The following CCSER1 variants were observed in gnomAD, a reference collection of about 807,000 sequenced individuals.
CCSER1 encodes the protein coiled-coil serine rich protein 1.
A neutral mutation model predicts 82.0 loss-of-function variants in CCSER1; 41 were observed. That is an observed-to-expected ratio of 0.50 (90% CI 0.39 to 0.65). CCSER1 has a LOEUF of 0.65. Among genes scored for constraint, CCSER1 ranks in the 30% least tolerant of loss-of-function variants. The probability of loss-of-function intolerance (pLI) is 0.00; values close to 1 mark genes in which losing one functional copy is unlikely to be tolerated. For missense variants in CCSER1, 1,119 were observed against 1,064.2 expected (o/e 1.05, Z -0.72); for synonymous variants, 414 against 383.9 (o/e 1.08, Z -0.92).
chr4:90,674,054 C>T (rs1281331745), intron 6 of CCSER1, among the ~76,000 whole-genome samples: 3 of 151,912 alleles, frequency 2.0e-5, no homozygotes, highest in Non-Finnish European at 4.4e-5. Context: ...AGATGATGTG[C>T]AAGCCCTTAA....
rs140458111 is a variant in CCSER1, at chr4:91,369,813, A to C, written c.2218-228759A>C. ...CCTCCCAAGTAGCTGGGACTTTGGG[A>C]GCACGCCCACCACGCCTAGCTAATT... On this transcript the variant is annotated intron_variant, in intron 10 of 10. Coordinates refer to ENST00000509176, the MANE Select transcript of CCSER1 (RefSeq NM_001145065.2). Among the ~76,000 whole-genome samples, 928 of 150,678 alleles carry C rather than the reference A, an allele frequency of 6.2e-3. 14 individuals are homozygous for C. The highest frequency in any genetic ancestry group is 0.021 in the African/African-American group (867 of 41,042).
chr4:90,362,444 A>C (rs532085090), intron 3 of CCSER1, among the ~76,000 whole-genome samples: 1 of 152,354 alleles, frequency 6.6e-6, no homozygotes, highest in South Asian at 2.1e-4. Context: ...TGCTAGTCAA[A>C]TGGTTTAGAA....
At position 91,246,827 on chromosome 4, in the gene CCSER1, TAC is replaced by T. The variant is rs34278711; in HGVS notation, c.2217+160862_2217+160863del. ...GGCATCTCATACACACATACACACA[TAC>T]ACACACACACACACACACACACACA... On this transcript the variant is annotated intron_variant, in intron 10 of 10. Coordinates refer to ENST00000509176, the MANE Select transcript of CCSER1 (RefSeq NM_001145065.2). Among the ~76,000 whole-genome samples the T allele has an allele frequency of 6.4e-3, 926 of 143,728 alleles. 8 individuals are homozygous for T. The highest frequency in any genetic ancestry group is 0.022 in the Admixed American group (313 of 14,364). The allele number at this position is 143,728 out of a possible 152,430, so 94.3% of individuals were successfully genotyped here.
At chr4:90,532,497 C>T (rs569504980) in intron 5 of CCSER1, among the ~76,000 whole-genome samples, 3 of 152,014 alleles carry the variant, frequency 2.0e-5, no homozygotes, top group South Asian at 4.2e-4. Flanking sequence ...GAGCTTTTTA[C>T]GGTGGTGTTC....
In CCSER1 at chr4:90,655,956, A is replaced by G. The variant is rs182043814; in HGVS notation, c.1932+27724A>G. Among the ~76,000 whole-genome samples the G allele has an allele frequency of 4.2e-3, 633 of 152,058 alleles. 1 individual carries two copies. The highest frequency in any genetic ancestry group is 7.5e-3 in the Non-Finnish European group (507 of 67,860). ...ATATTCTAAGAGGCTTTGCACAGTT[A>G]TAATATTCTTGGCTTTTTCTTTTAC... On this transcript the variant is annotated intron_variant, in intron 6 of 10. Transcript: ENST00000509176.
At chr4:91,312,175 A>G (rs149686185) in intron 10 of CCSER1, among the ~76,000 whole-genome samples, 1 of 151,904 alleles carries the variant, frequency 6.6e-6, no homozygotes, top group Admixed American at 6.6e-5. Flanking sequence ...AAACATAATA[A>G]TAGTAATATA....
chr4:91,244,308 A>G (rs1560539231), intron 10 of CCSER1, among the ~76,000 whole-genome samples: 3 of 152,182 alleles, frequency 2.0e-5, no homozygotes, highest in Admixed American at 2.0e-4. Context: ...CACAGACAGC[A>G]TCTCTGGACA....
At chr4:90,765,545 G>C (rs1751091769) in intron 7 of CCSER1, among the ~76,000 whole-genome samples, 3 of 151,946 alleles carry the variant, frequency 2.0e-5, no homozygotes, top group Admixed American at 6.6e-5. Context: ...TTAGTATTTG[G>C]GATAGAGATT....
chr4:90,410,270 A>C (rs562904214), intron 4 of CCSER1, among the ~76,000 whole-genome samples: 7 of 152,308 alleles, frequency 4.6e-5, no homozygotes, highest in African/African-American at 1.4e-4. Context: ...TCAGCTCTGC[A>C]CCAAGTGGAC....
chr4:91,187,696 CG>C (rs1734676486), intron 10 of CCSER1, among the ~76,000 whole-genome samples: 1 of 152,046 alleles, frequency 6.6e-6, no homozygotes, highest in Non-Finnish European at 1.5e-5. Context: ...GTGTTACAAG[CG>C]TGCTGCTACC....
chr4:90,370,055 G>A (rs1438938238), intron 3 of CCSER1: 1 of 151,990 alleles, frequency 6.6e-6, no homozygotes, highest in African/African-American at 2.4e-5. Flanking sequence ...TTGTCTTCTT[G>A]TTTTGTTTTT....
chr4:90,598,796 T>A (rs1333015305), intron 5 of CCSER1, among the ~76,000 whole-genome samples: 5 of 152,022 alleles, frequency 3.3e-5, no homozygotes, highest in Admixed American at 1.3e-4. Flanking sequence ...GTTCAAGTAG[T>A]CAGGGGACAG....
chr4:91,030,436 TCTAA>T (rs1480195789), intron 9 of CCSER1, among the ~76,000 whole-genome samples: 1 of 152,118 alleles, frequency 6.6e-6, no homozygotes, highest in Non-Finnish European at 1.5e-5. Flanking sequence ...TTAATTTAAA[TCTAA>T]CTAACTACCT....
intron 8 of CCSER1, among the ~76,000 whole-genome samples, chr4:90,905,297 A>C (rs1725292769): frequency 6.6e-6 from 1 of 151,914 alleles, no homozygotes; most frequent in African/African-American, 2.4e-5. Context: ...CATAAAATTG[A>C]GCATTTTGTA....
intron 10 of CCSER1, among the ~76,000 whole-genome samples, chr4:91,179,070 G>A (rs1733721117): frequency 6.6e-6 from 1 of 152,088 alleles, no homozygotes; most frequent in Non-Finnish European, 1.5e-5. Flanking sequence ...AGCTTAGTTT[G>A]GCTGGACATG....
intron 9 of CCSER1, among the ~76,000 whole-genome samples, chr4:90,957,524 CAT>C (rs1491539484): frequency 2.1e-5 from 2 of 96,266 alleles, no homozygotes; most frequent in Admixed American, 1.3e-4. Flanking sequence ...AACATAATAT[CAT>C]ATATTATATA....
chr4:90,141,823 G>T (rs1292163629), intron 1 of CCSER1, among the ~76,000 whole-genome samples: 1 of 152,210 alleles, frequency 6.6e-6, no homozygotes, highest in Non-Finnish European at 1.5e-5. Context: ...AGGATATGTT[G>T]TGTGTAAAAT....
chr4:90,911,938 GC>G (rs953904953), intron 8 of CCSER1, among the ~76,000 whole-genome samples: 2 of 152,166 alleles, frequency 1.3e-5, no homozygotes, highest in Non-Finnish European at 2.9e-5. Context: ...GGGGAGGGGC[GC>G]CCGCCATTGC....
chr4:90,923,413 A>T lies in CCSER1; in HGVS notation c.2138A>T (p.Asp713Val), dbSNP rs1416219355. ...CAGAAGGCTTTTGCTTCAAGAGTAG[A>T]TAAATCCACACAGACTGAACTACTA... ...HLQKAFASRV[D>V]KSTQTELLCY... Residue 713 changes from aspartate (D) to valine (V), a missense_variant, in exon 9 of 11, where the codon GAT becomes GTT. Coordinates refer to ENST00000509176, the MANE Select transcript of CCSER1 (RefSeq NM_001145065.2). The T allele has an allele frequency of 6.4e-7, 1 of 1,551,350 alleles. No individual in the cohort carries two copies. Among genetic ancestry groups the T allele is most frequent in the Non-Finnish European group, 8.7e-7 (1 of 1,146,812 alleles).
Sources: gnomAD v4.1 joint callset for allele counts (sites outside exome capture counted in the v4.1 genomes callset) on GRCh38, gnomAD v4.1.1 for gene constraint, MANE v1.5 for transcripts, NCBI Gene and HGNC (gene_info 2026-07-23, HGNC 2026-07-21) for gene names.